The following ARHGAP15 variants were observed in gnomAD, a reference collection of about 807,000 sequenced individuals.
ARHGAP15 encodes the protein rho GTPase-activating protein 15.
A neutral mutation model predicts 63.7 loss-of-function variants in ARHGAP15; 51 were observed. The observed-to-expected ratio is 0.80, with a 90% confidence interval of 0.64 to 1.01. ARHGAP15 has a LOEUF of 1.01. ARHGAP15 is among the 50% of genes least tolerant of loss of function. The pLI is 0.00. For missense variants in ARHGAP15, 560 were observed against 564.6 expected (o/e 0.99, Z 0.08); for synonymous variants, 191 against 193.8 (o/e 0.99, Z 0.12).
At chr2:143,652,681 T>C (rs1182301079) in intron 12 of ARHGAP15, among the ~76,000 whole-genome samples, 1 of 152,120 alleles carries the variant, frequency 6.6e-6, no homozygotes, top group Non-Finnish European at 1.5e-5. Flanking sequence ...TTCTTAATTC[T>C]ATTGTAAATT....
intron 2 of ARHGAP15, among the ~76,000 whole-genome samples, chr2:143,184,739 T>A (rs772297851): frequency 6.6e-6 from 1 of 152,110 alleles, no homozygotes; most frequent in Non-Finnish European, 1.5e-5. Context: ...TGGAGTACAG[T>A]GGCGTGTTTA....
At chr2:143,390,173 A>T (rs754325534) in intron 6 of ARHGAP15, among the ~76,000 whole-genome samples, 1 of 152,152 alleles carries the variant, frequency 6.6e-6, no homozygotes, top group Non-Finnish European at 1.5e-5. Context: ...AAAATTTATG[A>T]ACAACTTCAT....
intron 6 of ARHGAP15, among the ~76,000 whole-genome samples, chr2:143,332,559 T>C (rs1472147817): frequency 6.6e-6 from 1 of 152,170 alleles, no homozygotes; most frequent in Admixed American, 6.5e-5. Flanking sequence ...TCCCAATGCA[T>C]GTGGCTTTTT....
intron 6 of ARHGAP15, among the ~76,000 whole-genome samples, chr2:143,254,219 T>C (rs1368660635): frequency 1.3e-5 from 2 of 152,086 alleles, no homozygotes; most frequent in East Asian, 3.9e-4. Context: ...ATCCTAAATG[T>C]CATTTACAGA....
At chr2:143,457,389 CA>C (rs959590240) in intron 8 of ARHGAP15, among the ~76,000 whole-genome samples, 89 of 151,980 alleles carry the variant, frequency 5.9e-4, no homozygotes, top group African/African-American at 2.0e-3. Context: ...AAATAAAATA[CA>C]AAACAATTAG....
chr2:143,163,435 A>C (rs1238128490), intron 2 of ARHGAP15, among the ~76,000 whole-genome samples: 1 of 151,554 alleles, frequency 6.6e-6, no homozygotes, highest in African/African-American at 2.4e-5. Flanking sequence ...ATATACAGAT[A>C]TATAGAAATA....
chr2:143,434,538 T>C (rs916434031), intron 6 of ARHGAP15, among the ~76,000 whole-genome samples: 1 of 152,108 alleles, frequency 6.6e-6, no homozygotes, highest in Admixed American at 6.6e-5. Context: ...ATTTGTGATT[T>C]TCTGAACCTG....
chr2:143,554,386 ACT>A (rs1294481338), intron 10 of ARHGAP15, among the ~76,000 whole-genome samples: 1 of 151,770 alleles, frequency 6.6e-6, no homozygotes, highest in Non-Finnish European at 1.5e-5. Context: ...CAAATCCAAA[ACT>A]CTCTCCAAAA....
intron 3 of ARHGAP15, among the ~76,000 whole-genome samples, chr2:143,203,914 A>C (rs1236763874): frequency 6.6e-6 from 1 of 152,112 alleles, no homozygotes; most frequent in Non-Finnish European, 1.5e-5. Flanking sequence ...TTTTACACAC[A>C]GTTCTAATAT....
chr2:143,452,540 G>C (rs1690451526), intron 8 of ARHGAP15, among the ~76,000 whole-genome samples: 1 of 151,916 alleles, frequency 6.6e-6, no homozygotes, highest in Admixed American at 6.6e-5. Flanking sequence ...TCCACCAGCT[G>C]CCTGTGGATG....
intron 9 of ARHGAP15, among the ~76,000 whole-genome samples, chr2:143,516,080 G>A (rs1693801834): frequency 6.6e-6 from 1 of 152,222 alleles, no homozygotes; most frequent in Non-Finnish European, 1.5e-5. Context: ...CCCACCACAT[G>A]CTCCCACATT....
At chr2:143,152,402 T>C (rs1410839012) in intron 1 of ARHGAP15, among the ~76,000 whole-genome samples, 1 of 151,968 alleles carries the variant, frequency 6.6e-6, no homozygotes, top group Non-Finnish European at 1.5e-5. Flanking sequence ...CTTGCAGACT[T>C]CCTCTCTCTC....
At chr2:143,619,391 C>T (rs1165543726) in intron 11 of ARHGAP15, among the ~76,000 whole-genome samples, 1 of 152,000 alleles carries the variant, frequency 6.6e-6, no homozygotes, top group African/African-American at 2.4e-5. Context: ...TGTGTGTGAT[C>T]TCATAAAATT....
At chr2:143,716,613 GA>G (rs1684823910) in intron 13 of ARHGAP15, among the ~76,000 whole-genome samples, 1 of 152,120 alleles carries the variant, frequency 6.6e-6, no homozygotes, top group South Asian at 2.1e-4. Flanking sequence ...AGTGTATAAA[GA>G]AATTTGGTTC....
intron 6 of ARHGAP15, among the ~76,000 whole-genome samples, chr2:143,352,976 A>G (rs1363699744): frequency 6.6e-6 from 1 of 152,210 alleles, no homozygotes; most frequent in Admixed American, 6.5e-5. Context: ...TAATAAGTAC[A>G]TGAAATTTTC....
At chr2:143,131,428 G>A (rs908649724) in intron 1 of ARHGAP15, among the ~76,000 whole-genome samples, 5 of 152,140 alleles carry the variant, frequency 3.3e-5, no homozygotes, top group Admixed American at 6.5e-5. Context: ...AAAGAATGTC[G>A]TGCTTTTCCA....
chr2:143,214,057 C>T (rs1447271395), intron 3 of ARHGAP15, among the ~76,000 whole-genome samples: 2 of 152,190 alleles, frequency 1.3e-5, no homozygotes, highest in Admixed American at 6.5e-5. Flanking sequence ...TTTCCTTTCA[C>T]ATTTCCTATC....
chr2:143,422,589 T>C (rs16822502), intron 6 of ARHGAP15, among the ~76,000 whole-genome samples: 4,603 of 152,186 alleles, frequency 0.03, 233 homozygotes, highest in African/African-American at 0.11. Flanking sequence ...TTAAAGACCA[T>C]TGGATGATTG....
intron 1 of ARHGAP15, among the ~76,000 whole-genome samples, chr2:143,144,112 T>C: frequency 6.6e-6 from 1 of 152,102 alleles, no homozygotes; most frequent in Admixed American, 6.6e-5. Flanking sequence ...TTGTTATGAC[T>C]GTATAGTATT....
Sources: gnomAD v4.1 joint callset for allele counts (sites outside exome capture counted in the v4.1 genomes callset) on GRCh38, gnomAD v4.1.1 for gene constraint, MANE v1.5 for transcripts, NCBI Gene and HGNC (gene_info 2026-07-23, HGNC 2026-07-21) for gene names.